The following DIP2C variants were observed in gnomAD, a reference collection of about 807,000 sequenced individuals.
The protein encoded by DIP2C is DIP2 acetate--CoA ligase C (putative), also known as disco-interacting protein 2 homolog C.
Under a neutral mutation model 192.4 loss-of-function variants are expected in DIP2C, and 33 were observed. The observed-to-expected ratio is 0.17, with a 90% CI of 0.13 to 0.23. The LOEUF is 0.23. DIP2C is among the 10% of genes least tolerant of loss of function. The pLI, the probability that DIP2C is intolerant of heterozygous loss-of-function variation, is 1.00. For synonymous variants in DIP2C, 979 were observed against 864.1 expected, an observed-to-expected ratio of 1.13 and a Z score of -2.33; for missense variants, 1,537 against 2,110.1, an observed-to-expected ratio of 0.73 and a Z score of 5.32.
chr10:498,150 G>A (rs1313021032), intron 1 of DIP2C, among the ~76,000 whole-genome samples: 1 of 152,198 alleles, frequency 6.6e-6, no homozygotes, highest in Admixed American at 6.5e-5. Flanking sequence ...ACAGGCATGA[G>A]CCACTGAATC....
intron 31 of DIP2C, among the ~76,000 whole-genome samples, chr10:320,431 C>T (rs1956954207): frequency 1.3e-5 from 2 of 151,656 alleles, no homozygotes; most frequent in East Asian, 1.9e-4. Context: ...TCACTTGAAC[C>T]CAGGAGGCAG....
intron 1 of DIP2C, among the ~76,000 whole-genome samples, chr10:537,956 T>C (rs1437848334): frequency 6.6e-6 from 1 of 151,934 alleles, no homozygotes; most frequent in African/African-American, 2.4e-5. Flanking sequence ...TGCCTGGCTA[T>C]TTTTTGTATT....
chr10:544,317 A>T (rs939238097), intron 1 of DIP2C, among the ~76,000 whole-genome samples: 1 of 152,306 alleles, frequency 6.6e-6, no homozygotes, highest in East Asian at 1.9e-4. Flanking sequence ...ATTGTGTGCA[A>T]ATTTTCTTTA....
At chr10:550,688 G>A (rs1848537809) in intron 1 of DIP2C, among the ~76,000 whole-genome samples, 1 of 151,980 alleles carries the variant, frequency 6.6e-6, no homozygotes, top group African/African-American at 2.4e-5. Context: ...AAAATCAGGT[G>A]GAGAAAAAAA....
intron 1 of DIP2C, among the ~76,000 whole-genome samples, chr10:576,907 G>A (rs1850195941): frequency 6.6e-6 from 1 of 151,442 alleles, no homozygotes; most frequent in Non-Finnish European, 1.5e-5. Context: ...GACAGAGCAA[G>A]ATTCTGTCTA....
chr10:575,471 G>T (rs568785072), intron 1 of DIP2C, among the ~76,000 whole-genome samples: 1 of 152,196 alleles, frequency 6.6e-6, no homozygotes, highest in Non-Finnish European at 1.5e-5. Flanking sequence ...CTCAGCTTCT[G>T]CCAAAACAAA....
intron 1 of DIP2C, among the ~76,000 whole-genome samples, chr10:514,141 T>TC (rs757676757): frequency 2.0e-5 from 3 of 152,144 alleles, no homozygotes; most frequent in Non-Finnish European, 4.4e-5. Flanking sequence ...CCTGGTGCAT[T>TC]CGCCCTGCCA....
intron 1 of DIP2C, among the ~76,000 whole-genome samples, chr10:633,498 C>T (rs571134376): frequency 6.2e-4 from 94 of 152,092 alleles, no homozygotes; most frequent in African/African-American, 2.1e-3. Flanking sequence ...CAGGTGGCCA[C>T]GCCTCCCCTG....
intron 1 of DIP2C, among the ~76,000 whole-genome samples, chr10:569,011 C>T (rs749388989): frequency 2.0e-5 from 3 of 152,142 alleles, no homozygotes; most frequent in East Asian, 1.9e-4. Flanking sequence ...ATGAGGGCAG[C>T]GGCTTCCTGG....
chr10:424,355 G>GGTTTTTTTTTTTTTT (rs1966427451), intron 4 of DIP2C, among the ~76,000 whole-genome samples: 2 of 83,108 alleles, frequency 2.4e-5, no homozygotes, highest in African/African-American at 9.0e-5. Context: ...ATCACCTTGG[G>GGTTTTTTTTTTTTTT]TTTTTTTTTT....
At chr10:398,522 G>A (rs747705635) in intron 10 of DIP2C, among the ~76,000 whole-genome samples, 5 of 152,118 alleles carry the variant, frequency 3.3e-5, no homozygotes, top group East Asian at 1.9e-4. Context: ...AGCTGCAGCC[G>A]GACCACCCTG....
intron 2 of DIP2C, among the ~76,000 whole-genome samples, chr10:475,426 C>T (rs928392441): frequency 1.3e-5 from 2 of 152,192 alleles, no homozygotes; most frequent in East Asian, 1.9e-4. Context: ...GTTTCACCTT[C>T]AATCTCAGTA....
At chr10:571,859 G>A (rs1849834989) in intron 1 of DIP2C, among the ~76,000 whole-genome samples, 1 of 152,176 alleles carries the variant, frequency 6.6e-6, no homozygotes, top group African/African-American at 2.4e-5. Context: ...CAAGGCCCAG[G>A]GCAGTAGGGA....
chr10:305,189 T>C (rs1956255782), intron 32 of DIP2C, among the ~76,000 whole-genome samples: 3 of 151,920 alleles, frequency 2.0e-5, no homozygotes, highest in Admixed American at 6.6e-5. Context: ...TATGCACTTA[T>C]ACTTGTACCC....
chr10:532,079 A>T lies in DIP2C; in HGVS notation c.86-45549T>A, dbSNP rs759230113. On this transcript the variant is annotated intron_variant, in intron 1 of 36. Transcript: ENST00000280886. ...TCCCCTTTAGTGCCATAAATCCTAG[A>T]AGTGACTGAGTGCTCCCTCCTAAAC... Among the ~76,000 whole-genome samples, 22 of 152,268 alleles carry T rather than the reference A, an allele frequency of 1.4e-4. No homozygotes were observed. The Middle Eastern group carries it at 0.01, about 71-fold the overall frequency.
chr10:374,736 T>A lies in DIP2C; in HGVS notation c.1992-5103A>T, dbSNP rs1961370781. Among the ~76,000 whole-genome samples the A allele has an allele frequency of 2.6e-5, 4 of 152,198 alleles. No individual in the cohort carries two copies. In the South Asian group the frequency reaches 8.3e-4, roughly 32 times the overall value. On this transcript the variant is annotated intron_variant, in intron 17 of 36. Coordinates refer to ENST00000280886, the MANE Select transcript of DIP2C (RefSeq NM_014974.3). ...GAAACTTAGATGATATTTATCTCCATCAACACCTTGCTAAGAAGTAAAAAT... is the reference window on the plus strand; with the variant it reads ...GAAACTTAGATGATATTTATCTCCAACAACACCTTGCTAAGAAGTAAAAAT...
chr10:297,674 G>A (rs2132244738), intron 32 of DIP2C, among the ~76,000 whole-genome samples: 1 of 152,300 alleles, frequency 6.6e-6, no homozygotes, highest in South Asian at 2.1e-4. Flanking sequence ...GGCTGGGAAG[G>A]GAGGGATGGG....
In DIP2C at chr10:295,302, C is replaced by G. The variant is rs184378268; in HGVS notation, c.3987-6881G>C. On this transcript the variant is annotated intron_variant, in intron 32 of 36. Transcript: ENST00000280886. ...ATTGGCCGGGCGCGGTGGCTTACGC[C>G]TGTAATCCCAGCACTTTGGGAGGCC... 1.0e-3 allele frequency among the ~76,000 whole-genome samples: 157 copies of G among 152,136 alleles called. 1 individual carries two copies. Among genetic ancestry groups the G allele is most frequent in the African/African-American group, 3.5e-3 (146 of 41,510 alleles).
intron 24 of DIP2C, among the ~76,000 whole-genome samples, chr10:353,018 G>A (rs768544810): frequency 2.6e-5 from 4 of 152,220 alleles, no homozygotes; most frequent in South Asian, 2.1e-4. Flanking sequence ...GGTGACAGTC[G>A]TCATTCTCTG....
Sources: allele counts gnomAD v4.1 joint callset (sites outside exome capture counted in the v4.1 genomes callset), GRCh38; gene constraint gnomAD v4.1.1; transcripts MANE v1.5; gene names NCBI Gene and HGNC (gene_info 2026-07-23, HGNC 2026-07-21).